The following GUCA1C variants were observed in gnomAD, a reference collection of about 807,000 sequenced individuals.
GUCA1C encodes the protein guanylate cyclase activator 1C, also known as guanylyl cyclase-activating protein 3.
GUCA1C carries 15 observed loss-of-function variants against 16.2 expected under a neutral mutation model. That is an observed-to-expected ratio of 0.93 (90% CI 0.62 to 1.43). The LOEUF (loss-of-function observed/expected upper bound fraction) is 1.43, where lower values mean the gene tolerates loss of function less well. Ranked by LOEUF, GUCA1C falls within the 40% of genes most tolerant of loss-of-function variation. The pLI, the probability that GUCA1C is intolerant of heterozygous loss-of-function variation, is 0.00. For missense variants in GUCA1C, 275 were observed against 244.8 expected (o/e 1.12, Z -0.82); for synonymous variants, 78 against 85.4 (o/e 0.91, Z 0.48).
intron 3 of GUCA1C, among the ~76,000 whole-genome samples, chr3:108,908,996 A>T (rs558567463): frequency 7.2e-5 from 11 of 152,336 alleles, no homozygotes; most frequent in Non-Finnish European, 1.3e-4. Flanking sequence ...TTGTGGATGG[A>T]TAGATCAGCC....
chr3:108,911,647 C>T (rs947361825), intron 3 of GUCA1C, among the ~76,000 whole-genome samples: 1 of 152,210 alleles, frequency 6.6e-6, no homozygotes, highest in Non-Finnish European at 1.5e-5. Flanking sequence ...AAACTCAGTT[C>T]CCTCTTATCT....
chr3:108,946,808 GA>G (rs147701475), intron 1 of GUCA1C, among the ~76,000 whole-genome samples: 2 of 112,704 alleles, frequency 1.8e-5, no homozygotes, highest in African/African-American at 3.4e-5. Context: ...AACTATTACA[GA>G]AAAAAAAATG....
At chr3:108,929,251 T>C (rs1559844325) in intron 1 of GUCA1C, among the ~76,000 whole-genome samples, 2 of 152,346 alleles carry the variant, frequency 1.3e-5, no homozygotes, top group East Asian at 1.9e-4. Context: ...AGGAAAGTGA[T>C]GACTGATGAC....
Position 108,908,279 on chromosome 3 carries a change from T to C in GUCA1C, c.443-70A>G, listed in dbSNP as rs1042671361. On this transcript the variant is annotated intron_variant, in intron 3 of 3. Coordinates refer to ENST00000261047, the MANE Select transcript of GUCA1C (RefSeq NM_005459.4). ...TCACTGGCACAAATGATATACTCACTGGTATGTTTATTGATATTCTTTTGA... is the reference window on the plus strand; with the variant it reads ...TCACTGGCACAAATGATATACTCACCGGTATGTTTATTGATATTCTTTTGA... The C allele has an allele frequency of 4.6e-6, 4 of 867,738 alleles. No individual in the cohort carries two copies. In the Admixed American group the frequency reaches 6.4e-5, roughly 14 times the overall value. 53.8% of individuals were successfully genotyped at this position (867,738 alleles called of 1,614,324 possible). A position where few individuals can be genotyped will look rare whatever the true frequency, so the allele number is the denominator to read the frequency against.
chr3:108,939,742 T>C (rs1946767175), intron 1 of GUCA1C, among the ~76,000 whole-genome samples: 1 of 152,164 alleles, frequency 6.6e-6, no homozygotes, highest in Non-Finnish European at 1.5e-5. Flanking sequence ...GGCACACATA[T>C]AGACGGCCCC....
chr3:108,952,643 T>TG (rs1279227229), intron 1 of GUCA1C, among the ~76,000 whole-genome samples: 1 of 152,198 alleles, frequency 6.6e-6, no homozygotes, highest in African/African-American at 2.4e-5. Flanking sequence ...CCAGTTTTTT[T>TG]TTTAATTTTA....
rs185048768 is a variant in GUCA1C at position 108,935,056 on chromosome 3, G to A, written c.205-14471C>T. On this transcript the variant is annotated intron_variant, in intron 1 of 3. Coordinates refer to ENST00000261047, the MANE Select transcript of GUCA1C (RefSeq NM_005459.4). The stretch of plus-strand genomic sequence containing the variant: ...TCTCGATCTCCTGACCTCGTGATCC[G>A]CCCGCCTCGGCCTCCCAAAGTGCTG... Among the ~76,000 whole-genome samples, 744 of 151,794 alleles carry A rather than the reference G, an allele frequency of 4.9e-3. 2 individuals carry two copies. The highest frequency in any genetic ancestry group is 0.01 in the Middle Eastern group (3 of 292).
At chr3:108,943,396 G>C (rs1434004032) in intron 1 of GUCA1C, among the ~76,000 whole-genome samples, 2 of 152,194 alleles carry the variant, frequency 1.3e-5, no homozygotes, top group African/African-American at 4.8e-5. Context: ...AAAGGCTGTA[G>C]GTGTATGTGG....
At chr3:108,932,433 T>C (rs1372517120) in intron 1 of GUCA1C, among the ~76,000 whole-genome samples, 2 of 152,046 alleles carry the variant, frequency 1.3e-5, no homozygotes, top group Non-Finnish European at 2.9e-5. Context: ...TATCCTAAGA[T>C]TGGAGAACCA....
At chr3:108,941,833 T>C (rs1338298511) in intron 1 of GUCA1C, among the ~76,000 whole-genome samples, 1 of 152,240 alleles carries the variant, frequency 6.6e-6, no homozygotes, top group Non-Finnish European at 1.5e-5. Context: ...GAGTGTCTCA[T>C]TTCTCAGCTA....
At chr3:108,939,059 T>A (rs556695732) in intron 1 of GUCA1C, among the ~76,000 whole-genome samples, 45 of 152,278 alleles carry the variant, frequency 3.0e-4, no homozygotes, top group African/African-American at 1.0e-3. Flanking sequence ...AGTAGCCTTT[T>A]GCAAGGAAAT....
chr3:108,917,670 G>T (rs1485419307), intron 2 of GUCA1C, among the ~76,000 whole-genome samples: 1 of 152,112 alleles, frequency 6.6e-6, no homozygotes, highest in Non-Finnish European at 1.5e-5. Context: ...TGGCCTGAGA[G>T]GTGTAGACTC....
At position 108,953,754 on chromosome 3, in the gene GUCA1C, A is replaced by T. The variant is rs1312096581; in HGVS notation, c.9T>A (p.Asn3Lys). MG[N>K]GKSIAGDQKA... ...TCTGATCACCAGCTATAGATTTGCCATTCCCCATCTTGACTCACAGTCTAC... is the reference window on the plus strand; with the variant it reads ...TCTGATCACCAGCTATAGATTTGCCTTTCCCCATCTTGACTCACAGTCTAC... Residue 3 changes from asparagine (N) to lysine (K), a missense_variant, in exon 1 of 4, where the codon AAT becomes AAA. Coordinates refer to ENST00000261047, the MANE Select transcript of GUCA1C (RefSeq NM_005459.4). The T allele has an allele frequency of 1.2e-6, 2 of 1,611,664 alleles. No individual in the cohort carries two copies. The highest frequency in any genetic ancestry group is 3.3e-5 in the Admixed American group (2 of 60,024).
At chr3:108,941,800 C>G (rs1946787946) in intron 1 of GUCA1C, among the ~76,000 whole-genome samples, 1 of 152,228 alleles carries the variant, frequency 6.6e-6, no homozygotes, top group Admixed American at 6.5e-5. Flanking sequence ...TGCTCTGAGA[C>G]TCTCCAAGCA....
In GUCA1C at chr3:108,920,416, T is replaced by C. The variant is rs13081500; in HGVS notation, c.354+20A>G. The C allele has an allele frequency of 0.022, 34,222 of 1,589,916 alleles. 537 individuals carry two copies. The highest frequency in any genetic ancestry group is 0.08 in the Middle Eastern group (471 of 5,910). ...TAACTATATAGCGGCCTGAAAAGGA[T>C]ACTTTACTACTTCACTTACCATGAA... On this transcript the variant is annotated intron_variant, in intron 2 of 3. Coordinates refer to ENST00000261047, the MANE Select transcript of GUCA1C (RefSeq NM_005459.4).
chr3:108,919,882 C>A (rs1339093053), intron 2 of GUCA1C, among the ~76,000 whole-genome samples: 1 of 152,088 alleles, frequency 6.6e-6, no homozygotes, highest in Non-Finnish European at 1.5e-5. Context: ...CATTTTTTTA[C>A]TCTGGGATCT....
chr3:108,924,362 G>A (rs1312152103), intron 1 of GUCA1C, among the ~76,000 whole-genome samples: 2 of 152,130 alleles, frequency 1.3e-5, no homozygotes, highest in Non-Finnish European at 2.9e-5. Context: ...AGGGATGCTA[G>A]ATTTTGTCAA....
At chr3:108,941,432 G>A (rs892221986) in intron 1 of GUCA1C, among the ~76,000 whole-genome samples, 3 of 152,148 alleles carry the variant, frequency 2.0e-5, no homozygotes, top group African/African-American at 7.2e-5. Context: ...CATACATTTA[G>A]AGAAACCATT....
At chr3:108,925,806 G>T (rs766378791) in intron 1 of GUCA1C, among the ~76,000 whole-genome samples, 2 of 152,130 alleles carry the variant, frequency 1.3e-5, no homozygotes, top group African/African-American at 4.8e-5. Flanking sequence ...GGAGCTCCAG[G>T]CTGGGCATAG....
Sources: gnomAD v4.1 joint callset for allele counts (sites outside exome capture counted in the v4.1 genomes callset) on GRCh38, gnomAD v4.1.1 for gene constraint, MANE v1.5 for transcripts, NCBI Gene and HGNC (gene_info 2026-07-23, HGNC 2026-07-21) for gene names.